Variants in ZNF385D observed in about 807,000 individuals in gnomAD.
ZNF385D encodes zinc finger protein 385D.
A neutral mutation model predicts 35.8 loss-of-function variants in ZNF385D; 15 were observed. The observed-to-expected ratio is 0.42, with a 90% confidence interval of 0.28 to 0.64. The LOEUF (loss-of-function observed/expected upper bound fraction) is 0.64. Among genes scored for constraint, ZNF385D ranks in the 30% least tolerant of loss-of-function variants. The pLI is 0.23. For missense variants in ZNF385D, 474 were observed against 494.6 expected (o/e 0.96, Z 0.39); for synonymous variants, 212 against 186.8 (o/e 1.13, Z -1.10).
At chr3:21,972,720 C>T (rs1193274803) in intron 3 of ZNF385D, among the ~76,000 whole-genome samples, 1 of 151,524 alleles carries the variant, frequency 6.6e-6, no homozygotes, top group Non-Finnish European at 1.5e-5. Flanking sequence ...CCTAAATAAA[C>T]AATGTTAGAG....
rs1246687828 is a variant in ZNF385D, at chr3:21,464,911, C to A, written c.440-27708G>T. On this transcript the variant is annotated intron_variant, in intron 4 of 7. Coordinates refer to ENST00000281523, the MANE Select transcript of ZNF385D (RefSeq NM_024697.3). ...CTTACCACACATTACACGGCCTACT[C>A]TCTGCCTTCTCAGTGGGGGTGCAGA... Among the ~76,000 whole-genome samples, 4 of 152,068 alleles carry A rather than the reference C, an allele frequency of 2.6e-5. No homozygotes were observed. The East Asian group carries it at 7.7e-4, about 29-fold the overall frequency.
At chr3:22,318,306 A>G (rs950677242) in intron 2 of ZNF385D, among the ~76,000 whole-genome samples, 1 of 152,128 alleles carries the variant, frequency 6.6e-6, no homozygotes, top group Non-Finnish European at 1.5e-5. Flanking sequence ...TATAGAAGAC[A>G]AGATTGAGAA....
chr3:21,537,878 T>A (rs774337549), intron 3 of ZNF385D, among the ~76,000 whole-genome samples: 123 of 152,236 alleles, frequency 8.1e-4, no homozygotes, highest in Middle Eastern at 3.4e-3. Flanking sequence ...CTTATATTTT[T>A]AAAATGATGA....
intron 3 of ZNF385D, among the ~76,000 whole-genome samples, chr3:21,558,894 A>G (rs1419272140): frequency 1.3e-5 from 2 of 150,648 alleles, no homozygotes; most frequent in Admixed American, 6.6e-5. Flanking sequence ...TTCTTGTTGT[A>G]TTGATCCCTT....
chr3:21,536,421 T>C (rs116260622), intron 3 of ZNF385D, among the ~76,000 whole-genome samples: 2 of 152,210 alleles, frequency 1.3e-5, no homozygotes, highest in African/African-American at 4.8e-5. Context: ...TCTCCATTTA[T>C]TGTCATGGTG....
chr3:22,126,786 G>A (rs761378965), intron 3 of ZNF385D, among the ~76,000 whole-genome samples: 3 of 152,068 alleles, frequency 2.0e-5, no homozygotes, highest in Non-Finnish European at 4.4e-5. Context: ...GAATGTTGAA[G>A]TTTCCAACTA....
At chr3:21,689,085 T>C (rs1353632770) in intron 1 of ZNF385D, among the ~76,000 whole-genome samples, 1 of 145,908 alleles carries the variant, frequency 6.9e-6, no homozygotes, top group African/African-American at 2.6e-5. Flanking sequence ...ATTTTTCTGA[T>C]GTAAAAAGAT....
chr3:22,031,882 T>C (rs369767923), intron 3 of ZNF385D, among the ~76,000 whole-genome samples: 2 of 152,182 alleles, frequency 1.3e-5, no homozygotes, highest in African/African-American at 2.4e-5. Flanking sequence ...CACATATAAA[T>C]AAACACTTTC....
chr3:21,908,381 T>G (rs1322407896), intron 3 of ZNF385D, among the ~76,000 whole-genome samples: 1 of 152,110 alleles, frequency 6.6e-6, no homozygotes, highest in African/African-American at 2.4e-5. Flanking sequence ...GAGATTGGTA[T>G]TATGCTGTAT....
intron 2 of ZNF385D, among the ~76,000 whole-genome samples, chr3:22,366,840 A>G (rs1417722595): frequency 6.6e-6 from 1 of 152,222 alleles, no homozygotes; most frequent in East Asian, 1.9e-4. Context: ...AAAGAGAAAC[A>G]AAGAGAGATC....
chr3:21,695,982 C>T (rs2067456973), intron 1 of ZNF385D, among the ~76,000 whole-genome samples: 1 of 152,212 alleles, frequency 6.6e-6, no homozygotes, highest in Non-Finnish European at 1.5e-5. Context: ...TATGAATTCT[C>T]ATCATAACAG....
intron 3 of ZNF385D, among the ~76,000 whole-genome samples, chr3:22,123,743 C>T (rs949214615): frequency 7.8e-4 from 119 of 152,164 alleles, no homozygotes; most frequent in African/African-American, 2.7e-3. Flanking sequence ...CACCTGTAAT[C>T]TCAGCTACTC....
intron 3 of ZNF385D, among the ~76,000 whole-genome samples, chr3:22,161,774 T>G (rs1362597203): frequency 6.6e-6 from 1 of 152,160 alleles, no homozygotes; most frequent in Non-Finnish European, 1.5e-5. Context: ...AAGGAAAACA[T>G]CAGCTTTGCT....
chr3:22,228,031 C>A (rs929281939), intron 2 of ZNF385D, among the ~76,000 whole-genome samples: 1 of 152,216 alleles, frequency 6.6e-6, no homozygotes, highest in South Asian at 2.1e-4. Context: ...TTGAGGTTTG[C>A]CTGTCTGCAT....
chr3:21,749,700 G>A (rs557313535), intron 1 of ZNF385D, among the ~76,000 whole-genome samples: 26 of 152,240 alleles, frequency 1.7e-4, no homozygotes, highest in African/African-American at 5.5e-4. Context: ...CTTCTAATAT[G>A]ATACAAATTA....
chr3:21,972,755 T>C (rs1576047007), intron 3 of ZNF385D, among the ~76,000 whole-genome samples: 2 of 151,968 alleles, frequency 1.3e-5, no homozygotes, highest in East Asian at 3.9e-4. Context: ...TTACAACTAA[T>C]ACCACAGAAA....
intron 3 of ZNF385D, chr3:21,961,476 A>G (rs1576016426): frequency 1.3e-5 from 2 of 152,260 alleles, no homozygotes; most frequent in East Asian, 1.9e-4. Flanking sequence ...TGAAGTAACT[A>G]TTGAATTGTT....
intron 3 of ZNF385D, among the ~76,000 whole-genome samples, chr3:22,011,985 T>A (rs576580575): frequency 1.3e-5 from 2 of 152,280 alleles, no homozygotes; most frequent in South Asian, 4.1e-4. Flanking sequence ...TTCTTTCAAG[T>A]ATTGTGTTTC....
intron 2 of ZNF385D, among the ~76,000 whole-genome samples, chr3:22,206,802 G>C (rs146957445): frequency 6.6e-6 from 1 of 151,840 alleles, no homozygotes; most frequent in Middle Eastern, 3.4e-3. Flanking sequence ...GTTTATAAAT[G>C]CCAACATCAG....
Sources: allele counts gnomAD v4.1 joint callset (sites outside exome capture counted in the v4.1 genomes callset), GRCh38; gene constraint gnomAD v4.1.1; transcripts MANE v1.5; gene names NCBI Gene and HGNC (gene_info 2026-07-23, HGNC 2026-07-21).